Variants in RYR3 observed in about 807,000 individuals in gnomAD.
RYR3 encodes brain ryanodine receptor-calcium release channel.
In RYR3, 207 loss-of-function variants were observed where a neutral mutation model predicts 584.3. That is an observed-to-expected ratio of 0.35 (90% CI 0.32 to 0.40). The LOEUF is 0.40. Ranked by LOEUF, RYR3 falls within the 10% of genes least tolerant of loss-of-function variation. The pLI is 1.00. For synonymous variants in RYR3, 2,416 were observed against 2,248.5 expected, an observed-to-expected ratio of 1.07 and a Z score of -2.11; for missense variants, 5,616 against 6,089.2, an observed-to-expected ratio of 0.92 and a Z score of 2.59.
intron 43 of RYR3, among the ~76,000 whole-genome samples, chr15:33,720,634 C>T (rs1350697341): frequency 6.6e-6 from 1 of 152,166 alleles, no homozygotes; most frequent in Non-Finnish European, 1.5e-5. Context: ...GAGGCCAAAG[C>T]AGGAGGATTG....
intron 27 of RYR3, among the ~76,000 whole-genome samples, chr15:33,639,868 T>C (rs2061699471): frequency 6.6e-6 from 1 of 152,220 alleles, no homozygotes; most frequent in Non-Finnish European, 1.5e-5. Flanking sequence ...TGTTGTCACC[T>C]AGAAGTATCT....
At chr15:33,379,687 CTATA>C (rs1555448829) in intron 1 of RYR3, among the ~76,000 whole-genome samples, 1,299 of 125,498 alleles carry the variant, frequency 0.01, 47 homozygotes, top group African/African-American at 0.043. Context: ...CTCTCTCTCT[CTATA>C]TATATATATA....
At position 33,649,227 on chromosome 15, in the gene RYR3, C is replaced by G; in HGVS notation, c.4134C>G (p.Val1378=). The G allele has an allele frequency of 1.2e-6, 2 of 1,612,144 alleles. No individual in the cohort carries two copies. Among genetic ancestry groups the G allele is most frequent in the East Asian group, 2.2e-5 (1 of 44,876 alleles). The part of the protein sequence containing the change: ...TVTLGDERGR[V]HESVKRSNCY... The stretch of plus-strand genomic sequence containing the variant: ...CCCTAGGGGATGAAAGAGGCCGGGT[C>G]CATGAAAGGTAAGGGGGCTCCCAAG... Residue 1378 remains valine (V), a synonymous_variant, in exon 31 of 104, where the codon GTC becomes GTG. Coordinates refer to ENST00000634891, the MANE Select transcript of RYR3 (RefSeq NM_001036.6).
intron 12 of RYR3, among the ~76,000 whole-genome samples, chr15:33,567,138 A>T (rs2057759283): frequency 6.6e-6 from 1 of 152,148 alleles, no homozygotes; most frequent in African/African-American, 2.4e-5. Context: ...AGAGGAACTG[A>T]TACACTCCCC....
intron 32 of RYR3, among the ~76,000 whole-genome samples, chr15:33,654,175 GT>G (rs1245642717): frequency 6.6e-6 from 1 of 152,102 alleles, no homozygotes; most frequent in African/African-American, 2.4e-5. Flanking sequence ...TCAGGAGAAT[GT>G]TCATTAAGGA....
chr15:33,753,208 C>A (rs61341907), intron 57 of RYR3, among the ~76,000 whole-genome samples: 114 of 152,292 alleles, frequency 7.5e-4, no homozygotes, highest in African/African-American at 2.7e-3. Context: ...ATAGAGTCAG[C>A]AGTTCTCTTC....
At chr15:33,452,001 C>A (rs568457563) in intron 1 of RYR3, among the ~76,000 whole-genome samples, 25 of 152,320 alleles carry the variant, frequency 1.6e-4, no homozygotes, top group African/African-American at 6.0e-4. Flanking sequence ...CTGTCTAAGG[C>A]ACTGAAGTCT....
In RYR3 at chr15:33,669,398, C is replaced by T. The variant is rs535602068; in HGVS notation, c.5664C>T (p.Cys1888=). 14 of 1,613,946 alleles carry T rather than the reference C, an allele frequency of 8.7e-6. No homozygotes were observed. In the South Asian group the frequency reaches 1.1e-4, roughly 13 times the overall value. ...TTCAACTGGGAGAGAACTGCCCCTG[C>T]CCAGAGGAGATTCGGGAGGAGCTGT... ...LNFQLGENCP[C]PEEIREELYD... is the part of the protein sequence containing the mutation. Residue 1888 remains cysteine, a synonymous_variant, in exon 37 of 104, where the codon TGC becomes TGT. Transcript: ENST00000634891.
intron 34 of RYR3, 93 bp downstream of exon 34, chr15:33,660,516 T>G: frequency 1.2e-6 from 1 of 809,424 alleles, no homozygotes; most frequent in Non-Finnish European, 1.9e-6. Context: ...GCATCTGTGT[T>G]GGATCCTGCT....
intron 1 of RYR3, among the ~76,000 whole-genome samples, chr15:33,435,515 T>C (rs1054707901): frequency 2.6e-5 from 4 of 152,182 alleles, no homozygotes; most frequent in Admixed American, 2.6e-4. Flanking sequence ...TTCTTATACT[T>C]GTGTGAGAAT....
intron 47 of RYR3, among the ~76,000 whole-genome samples, chr15:33,729,384 T>TGGCAGGGATCAC (rs1469625422): frequency 1.3e-5 from 2 of 152,088 alleles, no homozygotes; most frequent in African/African-American, 4.8e-5. Flanking sequence ...AAAATCAATT[T>TGGCAGGGATCAC]CAGATATCAC....
At chr15:33,758,289 C>T (rs2072056584) in intron 60 of RYR3, among the ~76,000 whole-genome samples, 1 of 152,120 alleles carries the variant, frequency 6.6e-6, no homozygotes, top group South Asian at 2.1e-4. Flanking sequence ...ACCAGCGAGA[C>T]AGAACTGTTC....
At chr15:33,807,455 C>A in intron 69 of RYR3, 100 bp from the exon 70 acceptor site, 2 of 1,163,622 alleles carry the variant, frequency 1.7e-6, no homozygotes, top group African/African-American at 1.5e-5. Context: ...GAAATGGGGG[C>A]TAAGAAGCTA....
intron 27 of RYR3, among the ~76,000 whole-genome samples, chr15:33,639,432 T>G (rs1429254845): frequency 6.6e-6 from 1 of 152,168 alleles, no homozygotes; most frequent in Non-Finnish European, 1.5e-5. Flanking sequence ...CCCCAAGGCC[T>G]GGAATAACCA....
chr15:33,642,088 C>T (rs759030269), intron 27 of RYR3, among the ~76,000 whole-genome samples: 4 of 152,160 alleles, frequency 2.6e-5, no homozygotes, highest in Non-Finnish European at 4.4e-5. Flanking sequence ...GTCCTCTCTA[C>T]TGGTGCTTAG....
intron 65 of RYR3, among the ~76,000 whole-genome samples, chr15:33,783,327 A>G (rs1207838342): frequency 6.6e-5 from 10 of 152,194 alleles, no homozygotes; most frequent in African/African-American, 2.2e-4. Flanking sequence ...CAGTGATTCT[A>G]AAGATTCCCC....
chr15:33,630,022 A>G lies in RYR3; in HGVS notation c.2762A>G (p.Gln921Arg). The G allele has an allele frequency of 6.3e-7, 1 of 1,598,200 alleles. No individual in the cohort carries two copies. Among genetic ancestry groups the G allele is most frequent in the African/African-American group, 1.3e-5 (1 of 74,870 alleles). ...GAAACTGAGAAGAACTATAACCTGC[A>G]AATGTCAACTGAAACCTTAAAGTGA... ...LPETEKNYNL[Q>R]MSTETLKTLL... Residue 921 changes from glutamine to arginine, a missense_variant, in exon 22 of 104, where the codon CAA becomes CGA. Around this residue, in one of 9 missense-constraint regions of RYR3, gnomAD observed 1,284 missense variants for 1,344.6 expected, o/e 0.95. Coordinates refer to ENST00000634891, the MANE Select transcript of RYR3 (RefSeq NM_001036.6).
intron 15 of RYR3, among the ~76,000 whole-genome samples, chr15:33,585,365 T>TAC (rs2058795571): frequency 6.6e-6 from 1 of 152,200 alleles, no homozygotes; most frequent in African/African-American, 2.4e-5. Context: ...TTCCCTTGAA[T>TAC]TTCAATCATG....
chr15:33,363,291 A>G (rs562018234), intron 1 of RYR3, among the ~76,000 whole-genome samples: 25 of 152,204 alleles, frequency 1.6e-4, no homozygotes, highest in Admixed American at 1.2e-3. Flanking sequence ...CCTCACTCCA[A>G]CTAAAACATC....
Sources: allele counts gnomAD v4.1 joint callset (sites outside exome capture counted in the v4.1 genomes callset), GRCh38; gene constraint gnomAD v4.1.1; regional missense constraint gnomAD v4.1.1; transcripts MANE v1.5; gene names NCBI Gene and HGNC (gene_info 2026-07-23, HGNC 2026-07-21).